UBE2Q2: variants seen among roughly 807,000 people sequenced by gnomAD.
UBE2Q2 encodes the protein ubiquitin-conjugating enzyme E2 Q2.
UBE2Q2 carries 54 observed loss-of-function variants against 59.9 expected under a neutral mutation model. The observed-to-expected ratio is 0.90, with a 90% CI of 0.72 to 1.13. The LOEUF is 1.13. Ranked by LOEUF, UBE2Q2 falls within the 50% of genes most tolerant of loss-of-function variation. The pLI is 0.00. For missense variants in UBE2Q2, 433 were observed against 441.9 expected (o/e 0.98, Z 0.18); for synonymous variants, 165 against 155.2 (o/e 1.06, Z -0.47).
chr15:75,896,547 TA>T (rs1229660565), intron 11 of UBE2Q2, among the ~76,000 whole-genome samples: 1 of 152,246 alleles, frequency 6.6e-6, no homozygotes, highest in Non-Finnish European at 1.5e-5. Context: ...ATTTCTAACT[TA>T]AAATGTCATT....
chr15:75,857,695 TAA>T (rs1380208286), intron 2 of UBE2Q2, among the ~76,000 whole-genome samples: 2 of 149,282 alleles, frequency 1.3e-5, no homozygotes, highest in East Asian at 3.9e-4. Flanking sequence ...TGTCCACCAA[TAA>T]AGAGTTGGTT....
chr15:75,871,190 T>C (rs1897765729), intron 4 of UBE2Q2, among the ~76,000 whole-genome samples: 1 of 152,228 alleles, frequency 6.6e-6, no homozygotes, highest in Admixed American at 6.5e-5. Flanking sequence ...CATAAACATC[T>C]CAATGCTTTA....
rs114313706 is a variant in UBE2Q2 at position 75,881,510 on chromosome 15, C to G, written c.826-1856C>G. On this transcript the variant is annotated intron_variant, in intron 8 of 12. Transcript: ENST00000267938. ...GGCCTTTTCTGGGGTTGGAGTATTT[C>G]TTGAGAGGCCTAGGAAGAATGTGAT... Among the ~76,000 whole-genome samples the G allele has an allele frequency of 7.5e-3, 1,141 of 152,200 alleles. 13 individuals are homozygous for G. The highest frequency in any genetic ancestry group is 0.026 in the African/African-American group (1,078 of 41,526).
intron 3 of UBE2Q2, among the ~76,000 whole-genome samples, chr15:75,865,223 T>TA (rs1897399469): frequency 6.6e-6 from 1 of 152,244 alleles, no homozygotes; most frequent in Non-Finnish European, 1.5e-5. Flanking sequence ...TGTTACCACT[T>TA]ATGTATGCAT....
At chr15:75,851,835 G>A (rs1353426299) in intron 1 of UBE2Q2, among the ~76,000 whole-genome samples, 2 of 152,100 alleles carry the variant, frequency 1.3e-5, no homozygotes, top group African/African-American at 4.8e-5. Context: ...ACATATTCAA[G>A]GATTCAGATG....
chr15:75,847,973 AG>A (rs1256981764), intron 1 of UBE2Q2, among the ~76,000 whole-genome samples: 1 of 152,192 alleles, frequency 6.6e-6, no homozygotes, highest in Non-Finnish European at 1.5e-5. Context: ...ATTGCCAAAA[AG>A]TGCCTACCCC....
chr15:75,896,932 AATTT>A lies in UBE2Q2; in HGVS notation c.1030-59_1030-56del, dbSNP rs1899456736. On this transcript the variant is annotated intron_variant, in intron 11 of 12. Transcript: ENST00000267938. ...TTAAGCACAGTGTGATGCATTCATA[AATTT>A]ATTGTAATAATTTTCACCTAATTAC... The A allele has an allele frequency of 3.6e-6, 4 of 1,115,170 alleles. No homozygotes were observed. In the African/African-American group the frequency reaches 4.8e-5, roughly 13 times the overall value. The allele number at this position is 1,115,170 out of a possible 1,614,324, so 69.1% of individuals were successfully genotyped here.
At position 75,843,611 on chromosome 15, in the gene UBE2Q2, TCCCCTTCCGCGCCCGGCTCCCCTTCCGCG is replaced by T; in HGVS notation, c.-50_-22del. 6.8e-7 allele frequency: 1 copy of T among 1,463,346 alleles called. No homozygotes were observed. Among genetic ancestry groups the T allele is most frequent in the South Asian group, 1.3e-5 (1 of 79,402 alleles). The allele number at this position is 1,463,346 out of a possible 1,614,324, so 90.6% of individuals were successfully genotyped here. The stretch of plus-strand genomic sequence containing the variant: ...CCGTGACGGCGGCTCCGGGCCCGGC[TCCCCTTCCGCGCCCGGCTCCCCTTCCGCG>T]CCCCTCCCGCCGGAGATGAGGGGAA... On this transcript the variant is annotated 5_prime_UTR_variant, in exon 1 of 13. Transcript: ENST00000267938.
chr15:75,891,468 G>A (rs1468469711), intron 11 of UBE2Q2, among the ~76,000 whole-genome samples: 1 of 144,236 alleles, frequency 6.9e-6, no homozygotes, highest in Non-Finnish European at 1.5e-5. Flanking sequence ...TTTTTTCTCT[G>A]TGCCTATGCT....
At chr15:75,868,243 T>C (rs767365341) in intron 3 of UBE2Q2, among the ~76,000 whole-genome samples, 1 of 152,210 alleles carries the variant, frequency 6.6e-6, no homozygotes, top group Non-Finnish European at 1.5e-5. Context: ...AAGATGCATG[T>C]ATAAACAGTG....
At chr15:75,883,473 AT>A (rs754689860) in intron 9 of UBE2Q2, 49 bp downstream of exon 9, 224 of 1,429,164 alleles carry the variant, frequency 1.6e-4, no homozygotes, top group Middle Eastern at 1.8e-4. Flanking sequence ...GTTAAAAAAA[AT>A]TTTTTTTTAT....
At chr15:75,861,989 G>A (rs1311313558) in intron 3 of UBE2Q2, among the ~76,000 whole-genome samples, 1 of 152,170 alleles carries the variant, frequency 6.6e-6, no homozygotes, top group African/African-American at 2.4e-5. Flanking sequence ...TCTGCATAGC[G>A]TCTCATCCTC....
At position 75,868,933 on chromosome 15, in the gene UBE2Q2, A is replaced by C. The variant is rs1266777308; in HGVS notation, c.388-18A>C. 2 of 1,612,350 alleles carry C rather than the reference A, an allele frequency of 1.2e-6. No individual in the cohort carries two copies. The highest frequency in any genetic ancestry group is 3.3e-5 in the Admixed American group (2 of 59,996). ...TATTTGTTCTGTATAGCCCTGGCAG[A>C]TTCTTTCTCTGTTTCAGAATGGGAC... On this transcript the variant is annotated intron_variant, in intron 3 of 12. Coordinates refer to ENST00000267938, the MANE Select transcript of UBE2Q2 (RefSeq NM_173469.4).
At chr15:75,844,907 G>C (rs1896252029) in intron 1 of UBE2Q2, among the ~76,000 whole-genome samples, 1 of 151,944 alleles carries the variant, frequency 6.6e-6, no homozygotes, top group African/African-American at 2.4e-5. Context: ...CAAAAACCTT[G>C]ATGTTATAAT....
At chr15:75,849,850 G>A (rs1236988020) in intron 1 of UBE2Q2, among the ~76,000 whole-genome samples, 3 of 152,128 alleles carry the variant, frequency 2.0e-5, no homozygotes, top group East Asian at 1.9e-4. Flanking sequence ...TTCTATGTAC[G>A]GGAAAACTGC....
intron 5 of UBE2Q2, 78 bp from the exon 6 acceptor site, chr15:75,876,109 G>A (rs1366228589): frequency 5.3e-5 from 66 of 1,250,704 alleles, no homozygotes; most frequent in Non-Finnish European, 7.3e-5. Flanking sequence ...CATTTTTGCT[G>A]TAATCTTTTA....
intron 12 of UBE2Q2, among the ~76,000 whole-genome samples, chr15:75,898,662 G>A (rs1019907423): frequency 1.3e-5 from 2 of 152,164 alleles, no homozygotes; most frequent in Admixed American, 6.5e-5. Context: ...CACCTGCTGC[G>A]ATGGCTTCCT....
chr15:75,865,716 T>TACACTA (rs1316251216), intron 3 of UBE2Q2, among the ~76,000 whole-genome samples: 1 of 152,222 alleles, frequency 6.6e-6, no homozygotes, highest in Non-Finnish European at 1.5e-5. Flanking sequence ...CTATTGGTGT[T>TACACTA]ACTGCTGTCT....
At chr15:75,881,325 A>G (rs1458734913) in intron 8 of UBE2Q2, among the ~76,000 whole-genome samples, 1 of 151,624 alleles carries the variant, frequency 6.6e-6, no homozygotes, top group African/African-American at 2.4e-5. Context: ...AATATGAAAT[A>G]TTGGCCAGGA....
Sources: gnomAD v4.1 joint callset for allele counts (sites outside exome capture counted in the v4.1 genomes callset) on GRCh38, gnomAD v4.1.1 for gene constraint, MANE v1.5 for transcripts, NCBI Gene and HGNC (gene_info 2026-07-23, HGNC 2026-07-21) for gene names.